The following CA13 variants were observed in gnomAD, a reference collection of about 807,000 sequenced individuals.
CA13 encodes the protein CA-XIII.
A neutral mutation model predicts 31.5 loss-of-function variants in CA13; 21 were observed. The ratio of observed to expected loss-of-function variants is 0.67; its 90% CI spans 0.47 to 0.96. The LOEUF (loss-of-function observed/expected upper bound fraction) is 0.96. Among genes scored for constraint, CA13 ranks in the 40% least tolerant of loss-of-function variants. The probability of loss-of-function intolerance (pLI) is 0.00; values close to 1 mark genes in which losing one functional copy is unlikely to be tolerated. For missense variants in CA13, 315 were observed against 318.9 expected (o/e 0.99, Z 0.09); for synonymous variants, 117 against 111.4 (o/e 1.05, Z -0.32).
chr8:85,274,691 G>A (rs1044634467), intron 6 of CA13, among the ~76,000 whole-genome samples: 5 of 152,144 alleles, frequency 3.3e-5, no homozygotes, highest in African/African-American at 9.7e-5. Flanking sequence ...GGGCTGAGGC[G>A]GTTTGGTTAG....
chr8:85,261,736 T>C (rs1026575630), intron 3 of CA13, among the ~76,000 whole-genome samples: 2 of 152,152 alleles, frequency 1.3e-5, no homozygotes, highest in Non-Finnish European at 2.9e-5. Context: ...AGTGTATATA[T>C]ATATATATGT....
At chr8:85,254,171 A>G (rs1373906311) in intron 2 of CA13, among the ~76,000 whole-genome samples, 3 of 151,612 alleles carry the variant, frequency 2.0e-5, no homozygotes, top group African/African-American at 7.3e-5. Flanking sequence ...CCAGCTACTC[A>G]GGAGGCTGAG....
intron 3 of CA13, among the ~76,000 whole-genome samples, chr8:85,265,909 T>C (rs1184843783): frequency 6.6e-6 from 1 of 152,230 alleles, no homozygotes; most frequent in East Asian, 1.9e-4. Flanking sequence ...AGTCTTAAAA[T>C]GACAGGTAGT....
chr8:85,251,486 G>C (rs1813828161), intron 2 of CA13, among the ~76,000 whole-genome samples: 1 of 152,068 alleles, frequency 6.6e-6, no homozygotes, highest in African/African-American at 2.4e-5. Context: ...ATTGACCTTA[G>C]CTTGTTATTA....
intron 2 of CA13, among the ~76,000 whole-genome samples, chr8:85,256,178 T>C (rs1455256913): frequency 6.6e-6 from 1 of 152,196 alleles, no homozygotes; most frequent in African/African-American, 2.4e-5. Flanking sequence ...AACACTTAAA[T>C]AGTTAAACAT....
At chr8:85,280,918 T>G (rs1443391102) in intron 6 of CA13, among the ~76,000 whole-genome samples, 1 of 152,186 alleles carries the variant, frequency 6.6e-6, no homozygotes, top group East Asian at 1.9e-4. Context: ...GTTTATAGAT[T>G]GAAAAACATT....
intron 2 of CA13, among the ~76,000 whole-genome samples, chr8:85,257,794 T>A (rs549599808): frequency 1.4e-3 from 193 of 138,246 alleles, no homozygotes; most frequent in African/African-American, 5.1e-3. Flanking sequence ...AATTTTTGTA[T>A]TTTTTTTTTT....
intron 4 of CA13, chr8:85,267,357 A>G: frequency 2.5e-5 from 22 of 888,344 alleles, no homozygotes; most frequent in Non-Finnish European, 3.0e-5. Flanking sequence ...TAAAACCTTC[A>G]GGTAGATTCA....
intron 6 of CA13, among the ~76,000 whole-genome samples, chr8:85,276,237 C>T (rs1255243241): frequency 2.0e-5 from 3 of 152,196 alleles, no homozygotes; most frequent in African/African-American, 2.4e-5. Context: ...ATTTCTCGCC[C>T]GGCCTTAGCT....
chr8:85,262,617 A>G (rs573396407), intron 3 of CA13, among the ~76,000 whole-genome samples: 4 of 152,302 alleles, frequency 2.6e-5, no homozygotes, highest in African/African-American at 9.6e-5. Context: ...TCTAAGTGCA[A>G]TGGGAAGCCA....
At chr8:85,279,856 A>G (rs1411549623) in intron 6 of CA13, among the ~76,000 whole-genome samples, 3 of 152,178 alleles carry the variant, frequency 2.0e-5, no homozygotes, top group Non-Finnish European at 4.4e-5. Context: ...AGTCTCTGCT[A>G]TTTGACTTGA....
In CA13 at chr8:85,282,535, G is replaced by GGGTC. The variant is rs779357531; in HGVS notation, c.*1187_*1190dup. 1.3e-5 allele frequency: 2 copies of GGGTC among 152,174 alleles called. No homozygotes were observed. The highest frequency in any genetic ancestry group is 2.9e-5 in the Non-Finnish European group (2 of 68,012). The allele number at this position is 152,174 out of a possible 1,614,324, so 9.4% of individuals were successfully genotyped here. On this transcript the variant is annotated 3_prime_UTR_variant, in exon 7 of 7. Coordinates refer to ENST00000321764, the MANE Select transcript of CA13 (RefSeq NM_198584.3). ...AGCAAAGCAGGAAGCAATTTTGTGT[G>GGGTC]GGTCATTGTTCTGTCAATTTGTGGA...
intron 3 of CA13, among the ~76,000 whole-genome samples, chr8:85,263,681 G>A (rs1807416889): frequency 6.6e-6 from 1 of 152,192 alleles, no homozygotes; most frequent in South Asian, 2.1e-4. Context: ...GCAAGTCTGG[G>A]AAGGAGCAGG....
intron 2 of CA13, among the ~76,000 whole-genome samples, chr8:85,255,953 A>G (rs1425477831): frequency 1.3e-5 from 2 of 152,052 alleles, no homozygotes; most frequent in African/African-American, 4.8e-5. Context: ...GCTCTCTATG[A>G]GCAACAACTA....
rs961956840 is a variant in CA13 at position 85,283,854 on chromosome 8, C to G, written c.*2505C>G. 1.3e-5 allele frequency: 2 copies of G among 152,232 alleles called. No homozygotes were observed. Among genetic ancestry groups the G allele is most frequent in the Non-Finnish European group, 2.9e-5 (2 of 68,038 alleles). 9.4% of individuals were successfully genotyped at this position (152,232 alleles called of 1,614,324 possible). ...AAAATATCTATACAGCACTGATTTC[C>G]TTGAATATTGTGTGTTAATTGATAT... On this transcript the variant is annotated 3_prime_UTR_variant, in exon 7 of 7. Transcript: ENST00000321764.
chr8:85,264,854 T>C (rs1033651498), intron 3 of CA13, among the ~76,000 whole-genome samples: 1 of 152,226 alleles, frequency 6.6e-6, no homozygotes, highest in African/African-American at 2.4e-5. Context: ...TTCTGTTTCA[T>C]CACCCGGTGT....
In CA13 at chr8:85,281,420, C is replaced by T. The variant is rs1048413416; in HGVS notation, c.*71C>T. On this transcript the variant is annotated 3_prime_UTR_variant, in exon 7 of 7. Coordinates refer to ENST00000321764, the MANE Select transcript of CA13 (RefSeq NM_198584.3). ...ACAAAACAAAACAAAGCACAAAAGT[C>T]TCTGCCAACAACTCTTTTGTGGAAT... is the stretch of plus-strand genomic sequence containing the variant. 2.6e-6 allele frequency: 4 copies of T among 1,557,184 alleles called. No homozygotes were observed. Among genetic ancestry groups the T allele is most frequent in the Non-Finnish European group, 3.5e-6 (4 of 1,143,928 alleles).
At chr8:85,252,841 A>C (rs993960468) in intron 2 of CA13, among the ~76,000 whole-genome samples, 1 of 152,190 alleles carries the variant, frequency 6.6e-6, no homozygotes, top group East Asian at 1.9e-4. Flanking sequence ...GATTAGTAGT[A>C]ATATCTTGTA....
chr8:85,280,862 A>G (rs193199020), intron 6 of CA13, among the ~76,000 whole-genome samples: 1 of 152,328 alleles, frequency 6.6e-6, no homozygotes, highest in Non-Finnish European at 1.5e-5. Context: ...AAAACAGCAT[A>G]TATAGTTGAG....
Sources: gnomAD v4.1 joint callset for allele counts (sites outside exome capture counted in the v4.1 genomes callset) on GRCh38, gnomAD v4.1.1 for gene constraint, MANE v1.5 for transcripts, NCBI Gene and HGNC (gene_info 2026-07-23, HGNC 2026-07-21) for gene names.